The following RBFOX3 variants were observed in gnomAD, a reference collection of about 807,000 sequenced individuals.
The protein encoded by RBFOX3 is RNA binding fox-1 homolog 3, also known as RNA binding protein fox-1 homolog 3.
Under a neutral mutation model 48.7 loss-of-function variants are expected in RBFOX3, and 17 were observed. The observed-to-expected ratio is 0.35, with a 90% confidence interval of 0.24 to 0.52. The LOEUF is 0.52. Ranked by LOEUF, RBFOX3 falls within the 20% of genes least tolerant of loss-of-function variation. The pLI is 0.94. For synonymous variants in RBFOX3, 212 were observed against 209.5 expected (o/e 1.01, Z -0.10); for missense variants, 382 against 497.5 (o/e 0.77, Z 2.21).
At position 79,412,657 on chromosome 17, in the gene RBFOX3, GAT is replaced by G. The variant is rs147930836; in HGVS notation, c.-175+69795_-175+69796del. Reference sequence around the variant, plus strand: ...GTGCATGTATGCATGTGTTGTGTGTGATATGTGTGAGTGTATGGTATATGTGT... The same window carrying G: ...GTGCATGTATGCATGTGTTGTGTGTGATGTGTGAGTGTATGGTATATGTGT... On this transcript the variant is annotated intron_variant, in intron 2 of 14. Coordinates refer to ENST00000693108, the MANE Select transcript of RBFOX3 (RefSeq NM_001350451.2). Among the ~76,000 whole-genome samples the G allele has an allele frequency of 1.5e-4, 23 of 151,842 alleles. No individual in the cohort carries two copies. In the East Asian group the frequency reaches 3.5e-3, roughly 23 times the overall value.
chr17:79,161,520 A>G (rs941544597), intron 4 of RBFOX3, among the ~76,000 whole-genome samples: 5 of 152,104 alleles, frequency 3.3e-5, no homozygotes, highest in African/African-American at 1.2e-4. Flanking sequence ...GGAGGCCCGG[A>G]AGCTGGCCTG....
rs2088661056 is a variant in RBFOX3, at chr17:79,535,957, C to A, written c.-319-53359G>T. 6.6e-6 allele frequency among the ~76,000 whole-genome samples: 1 copy of A among 152,224 alleles called. No homozygotes were observed. Among genetic ancestry groups the A allele is most frequent in the Non-Finnish European group, 1.5e-5 (1 of 68,040 alleles). On this transcript the variant is annotated intron_variant, in intron 1 of 14. Coordinates refer to ENST00000693108, the MANE Select transcript of RBFOX3 (RefSeq NM_001350451.2). This position sits in a 1 kb window ranked among gnomAD's most constrained non-coding sequence, Gnocchi z 4.5. Reference sequence around the variant, plus strand: ...CAGGGTCATCTCCACAGGCCCCTCCCTCCCTCCACAGCTTCCTAAGCACTG... The same window carrying A: ...CAGGGTCATCTCCACAGGCCCCTCCATCCCTCCACAGCTTCCTAAGCACTG...
intron 2 of RBFOX3, among the ~76,000 whole-genome samples, chr17:79,455,706 C>T: frequency 6.6e-6 from 1 of 152,190 alleles, no homozygotes; most frequent in African/African-American, 2.4e-5. Flanking sequence ...CATGCCACCA[C>T]ACACTCGCTC....
At chr17:79,273,847 AG>A (rs1358314887) in intron 3 of RBFOX3, among the ~76,000 whole-genome samples, 1 of 152,176 alleles carries the variant, frequency 6.6e-6, no homozygotes, top group African/African-American at 2.4e-5. Context: ...CAGTATTTGC[AG>A]GGGGGAAGGA....
chr17:79,578,658 A>T (rs1407389614), intron 1 of RBFOX3, among the ~76,000 whole-genome samples: 26 of 152,372 alleles, frequency 1.7e-4, no homozygotes, highest in Admixed American at 1.7e-3. Context: ...AATTCACAAC[A>T]TCTGTCTGTG....
rs188132192 is a variant in RBFOX3 at position 79,268,295 on chromosome 17, G to A, written c.-73-32490C>T. ...GTCCCAGTGTTTCCCAGCCCACCTT[G>A]CCTCACCTCCCATTTCATTCCAGAA... On this transcript the variant is annotated intron_variant, in intron 3 of 14. Coordinates refer to ENST00000693108, the MANE Select transcript of RBFOX3 (RefSeq NM_001350451.2). Among the ~76,000 whole-genome samples, 6 of 152,130 alleles carry A rather than the reference G, an allele frequency of 3.9e-5. No individual in the cohort carries two copies. In the East Asian group the frequency reaches 1.2e-3, roughly 29 times the overall value.
chr17:79,588,327 C>T (rs923159269), intron 1 of RBFOX3, among the ~76,000 whole-genome samples: 33 of 152,248 alleles, frequency 2.2e-4, no homozygotes, highest in African/African-American at 7.7e-4. Context: ...CTTATTCTCC[C>T]CCGGGGACTC....
In RBFOX3 at chr17:79,383,040, A is replaced by ACACACACACACAC. The variant is rs1442728465; in HGVS notation, c.-174-75229_-174-75217dup. Among the ~76,000 whole-genome samples the ACACACACACACAC allele has an allele frequency of 4.1e-3, 408 of 99,086 alleles. 2 individuals carry two copies. Among genetic ancestry groups the ACACACACACACAC allele is most frequent in the African/African-American group, 0.012 (399 of 33,066 alleles). The allele number at this position is 99,086 out of a possible 152,430, so 65.0% of individuals were successfully genotyped here. On this transcript the variant is annotated intron_variant, in intron 2 of 14. Transcript: ENST00000693108. ...CAATCTCTGCCTCTCAAACACACACACACACACACACACACACACACACAC... is the reference window on the plus strand; with the variant it reads ...CAATCTCTGCCTCTCAAACACACACACACACACACACACCACACACACACACACACACACACAC...
chr17:79,091,992 G>A (rs2074006776), intron 14 of RBFOX3: 2 of 985,500 alleles, frequency 2.0e-6, no homozygotes, highest in Non-Finnish European at 2.4e-6. Flanking sequence ...CAGCTGAATG[G>A]GGCGAGGAGG....
At chr17:79,174,994 T>C (rs2050224587) in intron 4 of RBFOX3, among the ~76,000 whole-genome samples, 1 of 152,168 alleles carries the variant, frequency 6.6e-6, no homozygotes, top group South Asian at 2.1e-4. Context: ...TCTGCCCCTC[T>C]CCGAGGCCCC....
At chr17:79,314,478 C>G (rs1405523925) in intron 2 of RBFOX3, among the ~76,000 whole-genome samples, 1 of 152,166 alleles carries the variant, frequency 6.6e-6, no homozygotes, top group Non-Finnish European at 1.5e-5. Context: ...AGATCGGCCA[C>G]TCACAGCCAG....
At chr17:79,541,285 A>G (rs781951187) in intron 1 of RBFOX3, among the ~76,000 whole-genome samples, 4 of 152,218 alleles carry the variant, frequency 2.6e-5, no homozygotes, top group Non-Finnish European at 5.9e-5. Flanking sequence ...TTATGTGCCC[A>G]TGAGCAAGCC....
the RBFOX3 span, among the ~76,000 whole-genome samples, chr17:79,653,044 G>C: frequency 1.3e-5 from 2 of 152,096 alleles, no homozygotes; most frequent in South Asian, 2.1e-4. Context: ...AAATGCCTTC[G>C]AAATTCTAGG....
intron 14 of RBFOX3, chr17:79,092,570 G>A: frequency 1.0e-6 from 1 of 987,528 alleles, no homozygotes; most frequent in Non-Finnish European, 1.2e-6. Flanking sequence ...CAGTCAGTGT[G>A]AATGCTGTTA....
intron 3 of RBFOX3, among the ~76,000 whole-genome samples, chr17:79,294,071 A>T (rs2073912629): frequency 2.0e-5 from 3 of 152,176 alleles, no homozygotes; most frequent in South Asian, 2.1e-4. Flanking sequence ...GCAGATTCAT[A>T]CTGCAGCCTA....
intron 2 of RBFOX3, among the ~76,000 whole-genome samples, chr17:79,375,531 G>T (rs546941210): frequency 0.013 from 1,956 of 152,258 alleles, 21 homozygotes; most frequent in Non-Finnish European, 0.018. Flanking sequence ...TGGGGAGGGA[G>T]CAGCGTTCTG....
chr17:79,314,301 G>T (rs567313994), intron 2 of RBFOX3, among the ~76,000 whole-genome samples: 1 of 152,196 alleles, frequency 6.6e-6, no homozygotes, highest in African/African-American at 2.4e-5. Flanking sequence ...GAGGAGAGAG[G>T]CATGGCAGTC....
At chr17:79,329,607 G>A (rs1481450979) in intron 2 of RBFOX3, among the ~76,000 whole-genome samples, 3 of 152,120 alleles carry the variant, frequency 2.0e-5, no homozygotes, top group African/African-American at 7.2e-5. Context: ...CCTGGTGGGG[G>A]CTCTGAGCAA....
intron 4 of RBFOX3, among the ~76,000 whole-genome samples, chr17:79,119,593 C>T (rs2035133700): frequency 6.6e-6 from 1 of 152,180 alleles, no homozygotes; most frequent in Admixed American, 6.5e-5. Context: ...GCTCCAATGT[C>T]CCCTCTTAGC....
Sources: gnomAD v4.1 joint callset for allele counts (sites outside exome capture counted in the v4.1 genomes callset) on GRCh38, gnomAD v4.1.1 for gene constraint, Gnocchi (gnomAD v3.1) non-coding constraint, MANE v1.5 for transcripts, NCBI Gene and HGNC (gene_info 2026-07-23, HGNC 2026-07-21) for gene names.